The following HEY2 variants were observed in gnomAD, a reference collection of about 807,000 sequenced individuals.
The protein encoded by HEY2 is hairy/enhancer-of-split related with YRPW motif protein 2.
In HEY2, 10 loss-of-function variants were observed where a neutral mutation model predicts 18.1. The observed-to-expected ratio is 0.55, with a 90% confidence interval of 0.34 to 0.94. The LOEUF (loss-of-function observed/expected upper bound fraction) is 0.94, where lower values mean the gene tolerates loss of function less well. Ranked by LOEUF, HEY2 falls within the 40% of genes least tolerant of loss-of-function variation. HEY2 has a pLI of 0.02. For synonymous variants in HEY2, 210 were observed against 182.7 expected (o/e 1.15, Z -1.21); for missense variants, 455 against 455.9 (o/e 1.00, Z 0.02).
intron 3 of HEY2, among the ~76,000 whole-genome samples, chr6:125,752,435 A>AAAC (rs201707222): frequency 0.013 from 1,926 of 151,738 alleles, 37 homozygotes; most frequent in East Asian, 0.04. Context: ...TTCAAAAAAA[A>AAAC]AAAAAAAACC....
Position 125,759,371 on chromosome 6 carries a change from G to T in HEY2, c.583G>T (p.Ala195Ser). ...CGCCGCCTTCCACCACCTGCCCGCA[G>T]CCCTGCTCCAGCCCAACGGCCTCCA... ...WAAAFHHLPA[A>S]LLQPNGLHAS... is the part of the protein sequence containing the mutation. Residue 195 changes from alanine to serine, a missense_variant, in exon 5 of 5, where the codon GCC becomes TCC. Physicochemically the swap from Ala to Ser is moderately conservative, Grantham distance 99 (BLOSUM62 1). Coordinates refer to ENST00000368364, the MANE Select transcript of HEY2 (RefSeq NM_012259.3). 6.2e-7 allele frequency: 1 copy of T among 1,606,970 alleles called. No homozygotes were observed. The highest frequency in any genetic ancestry group is 8.5e-7 in the Non-Finnish European group (1 of 1,177,698).
At position 125,760,043 on chromosome 6, in the gene HEY2, T is replaced by G; in HGVS notation, c.*241T>G. The G allele has an allele frequency of 7.3e-6, 4 of 546,730 alleles. No individual in the cohort carries two copies. The highest frequency in any genetic ancestry group is 9.7e-6 in the Non-Finnish European group (3 of 307,968). 33.9% of individuals were successfully genotyped at this position (546,730 alleles called of 1,614,324 possible). ...CAGCAACTTTTGAAAACTTCACACTTGTTACCATTTAGAAGTTTCCTGGAA... is the reference window on the plus strand; with the variant it reads ...CAGCAACTTTTGAAAACTTCACACTGGTTACCATTTAGAAGTTTCCTGGAA... On this transcript the variant is annotated 3_prime_UTR_variant, in exon 5 of 5. Coordinates refer to ENST00000368364, the MANE Select transcript of HEY2 (RefSeq NM_012259.3).
intron 4 of HEY2, among the ~76,000 whole-genome samples, chr6:125,757,957 A>G (rs1773696840): frequency 6.6e-6 from 1 of 152,238 alleles, no homozygotes; most frequent in Admixed American, 6.5e-5. Context: ...CTCAAAGATA[A>G]ATAAATTAAT....
Position 125,749,732 on chromosome 6 carries a change from G to A in HEY2, c.-45G>A, listed in dbSNP as rs1348398119. 5 of 1,488,640 alleles carry A rather than the reference G, an allele frequency of 3.4e-6. No homozygotes were observed. The highest frequency in any genetic ancestry group is 3.6e-6 in the Non-Finnish European group (4 of 1,096,962). 92.2% of individuals were successfully genotyped at this position (1,488,640 alleles called of 1,614,324 possible). A position where few individuals can be genotyped will look rare whatever the true frequency, so the allele number is the denominator to read the frequency against. On this transcript the variant is annotated 5_prime_UTR_variant, in exon 1 of 5. Transcript: ENST00000368364. The stretch of plus-strand genomic sequence containing the variant: ...GTCAGGGTGCTGCGCCCCGCTCGGC[G>A]TCCGAGCTTCCGGCCGGGCTGTGCC...
intron 4 of HEY2, among the ~76,000 whole-genome samples, chr6:125,756,711 G>T (rs1332471991): frequency 6.6e-6 from 1 of 152,228 alleles, no homozygotes; most frequent in African/African-American, 2.4e-5. Flanking sequence ...TTCTGCCACT[G>T]ATTAGCTCTG....
In HEY2 at chr6:125,759,251, T is replaced by C. The variant is rs1363397463; in HGVS notation, c.463T>C (p.Ser155Pro). ...GGATCCGCTGCGGGTGCGGCTTGTG[T>C]CTCATCTCAGCACTTGCGCCACCCA... ...SSDPLRVRLVSHLSTCATQRE... is the reference protein window; with the variant it reads ...SSDPLRVRLVPHLSTCATQRE... Residue 155 changes from serine (S) to proline (P), a missense_variant, in exon 5 of 5, where the codon TCT (serine) becomes CCT (proline). By Grantham distance (74) the Ser-to-Pro change is moderately conservative. Coordinates refer to ENST00000368364, the MANE Select transcript of HEY2 (RefSeq NM_012259.3). 2 of 1,609,248 alleles carry C rather than the reference T, an allele frequency of 1.2e-6. No homozygotes were observed. The highest frequency in any genetic ancestry group is 1.7e-6 in the Non-Finnish European group (2 of 1,179,980).
rs1158347473 is a variant in HEY2 at position 125,760,981 on chromosome 6, G to GT, written c.*1186dup. ...TGCTATGTAATGGGGTTGTGGTTTT[G>GT]TTTTTTTCGATTTCGTTTAATGACA... On this transcript the variant is annotated 3_prime_UTR_variant, in exon 5 of 5. Transcript: ENST00000368364. The GT allele has an allele frequency of 2.0e-5, 3 of 152,468 alleles. No individual in the cohort carries two copies. The highest frequency in any genetic ancestry group is 4.8e-5 in the African/African-American group (2 of 41,386). 9.4% of individuals were successfully genotyped at this position (152,468 alleles called of 1,614,324 possible). A position where few individuals can be genotyped will look rare whatever the true frequency, so the allele number is the denominator to read the frequency against.
chr6:125,755,462 C>T (rs564499951), intron 4 of HEY2, among the ~76,000 whole-genome samples: 2 of 152,164 alleles, frequency 1.3e-5, no homozygotes, highest in East Asian at 3.8e-4. Flanking sequence ...GATTTAAGGG[C>T]TCCAACTAAA....
rs1344353323 is a variant in HEY2, at chr6:125,759,875, T to A, written c.*73T>A. On this transcript the variant is annotated 3_prime_UTR_variant, in exon 5 of 5. Coordinates refer to ENST00000368364, the MANE Select transcript of HEY2 (RefSeq NM_012259.3). Reference sequence around the variant, plus strand: ...GAGTCAGCTTAAAACCTCTGCACCCTGAAGGTAGCCATACAGATGCCGACA... The same window carrying A: ...GAGTCAGCTTAAAACCTCTGCACCCAGAAGGTAGCCATACAGATGCCGACA... 7.9e-7 allele frequency: 1 copy of A among 1,261,108 alleles called. No individual in the cohort carries two copies. Among genetic ancestry groups the A allele is most frequent in the Non-Finnish European group, 1.1e-6 (1 of 891,846 alleles). 78.1% of individuals were successfully genotyped at this position (1,261,108 alleles called of 1,614,324 possible).
rs1305375286 is a variant in HEY2, at chr6:125,749,728, C to T, written c.-49C>T. ...GGGCGTCAGGGTGCTGCGCCCCGCT[C>T]GGCGTCCGAGCTTCCGGCCGGGCTG... On this transcript the variant is annotated 5_prime_UTR_variant, in exon 1 of 5. Coordinates refer to ENST00000368364, the MANE Select transcript of HEY2 (RefSeq NM_012259.3). 5 of 1,458,630 alleles carry T rather than the reference C, an allele frequency of 3.4e-6. No homozygotes were observed. Among genetic ancestry groups the T allele is most frequent in the Middle Eastern group, 2.0e-4 (1 of 5,032 alleles). 90.4% of individuals were successfully genotyped at this position (1,458,630 alleles called of 1,614,324 possible). A position where few individuals can be genotyped will look rare whatever the true frequency, so the allele number is the denominator to read the frequency against.
At chr6:125,751,938 A>G in intron 2 of HEY2, 59 bp downstream of exon 2, 1 of 1,584,344 alleles carries the variant, frequency 6.3e-7, no homozygotes, top group Non-Finnish European at 8.7e-7. Context: ...TAACAGTTAC[A>G]TTTTTTCATT....
chr6:125,752,338 T>C (rs1773564138), intron 3 of HEY2, among the ~76,000 whole-genome samples: 1 of 151,422 alleles, frequency 6.6e-6, no homozygotes, highest in African/African-American at 2.4e-5. Context: ...TATTTTCCCC[T>C]TAAGGGTAAC....
chr6:125,754,364 TGAG>T, intron 3 of HEY2, 98 bp from the exon 4 acceptor site: 1 of 577,234 alleles, frequency 1.7e-6, no homozygotes, highest in Admixed American at 3.8e-5. Context: ...GATTGTCTAG[TGAG>T]AGGGAAATTG....
At chr6:125,751,430 CAGGA>C (rs1263009131) in intron 1 of HEY2, among the ~76,000 whole-genome samples, 1 of 152,104 alleles carries the variant, frequency 6.6e-6, no homozygotes, top group Non-Finnish European at 1.5e-5. Context: ...GTGTGCCTGA[CAGGA>C]GGGAGAAGGA....
chr6:125,757,635 T>C (rs1167505069), intron 4 of HEY2, among the ~76,000 whole-genome samples: 1 of 152,196 alleles, frequency 6.6e-6, no homozygotes, highest in African/African-American at 2.4e-5. Context: ...AGCAAAAACA[T>C]AGATAATGTA....
At position 125,759,483 on chromosome 6, in the gene HEY2, C is replaced by T. The variant is rs1163993455; in HGVS notation, c.695C>T (p.Ala232Val). The T allele has an allele frequency of 1.2e-6, 2 of 1,611,328 alleles. No individual in the cohort carries two copies. The highest frequency in any genetic ancestry group is 1.7e-6 in the Non-Finnish European group (2 of 1,179,996). The change falls in exon 5 of 5, where the codon GCC becomes GTC. Residue 232 changes from alanine to valine, a missense_variant. By Grantham distance (64) the Ala-to-Val change is moderately conservative. Coordinates refer to ENST00000368364, the MANE Select transcript of HEY2 (RefSeq NM_012259.3). ...HGSALLTATF[A>V]HADSALRMPS... ...TCTGCTCTCCTCACGGCCACGTTTG[C>T]CCATGCGGATTCAGCCCTCCGAATG...
At chr6:125,758,933 T>G (rs1322988445) in intron 4 of HEY2, among the ~76,000 whole-genome samples, 184 bp from the exon 5 acceptor site, 1 of 152,200 alleles carries the variant, frequency 6.6e-6, no homozygotes, top group Non-Finnish European at 1.5e-5. Flanking sequence ...TTTCTTAACT[T>G]CTGCAAAAAA....
At position 125,754,559 on chromosome 6, in the gene HEY2, C is replaced by T; in HGVS notation, c.328+13C>T. The T allele has an allele frequency of 7.4e-7, 1 of 1,347,828 alleles. No individual in the cohort carries two copies. The highest frequency in any genetic ancestry group is 1.0e-6 in the Non-Finnish European group (1 of 985,742). 83.5% of individuals were successfully genotyped at this position (1,347,828 alleles called of 1,614,324 possible). A position where few individuals can be genotyped will look rare whatever the true frequency, so the allele number is the denominator to read the frequency against. The stretch of plus-strand genomic sequence containing the variant: ...ACAGGGGGTAAAGGTAAGTAGATGA[C>T]TTCATTTTTTTTTTTTTTTGCCTTT... On this transcript the variant is annotated intron_variant, in intron 4 of 4. Transcript: ENST00000368364.
At chr6:125,751,687 T>G in intron 1 of HEY2, 114 bp from the exon 2 acceptor site, 1 of 655,988 alleles carries the variant, frequency 1.5e-6, no homozygotes, top group Non-Finnish European at 2.6e-6. Flanking sequence ...AAGAATAAAA[T>G]AACACAGACT....
Sources: allele counts gnomAD v4.1 joint callset (sites outside exome capture counted in the v4.1 genomes callset), GRCh38; gene constraint gnomAD v4.1.1; transcripts MANE v1.5; gene names NCBI Gene and HGNC (gene_info 2026-07-23, HGNC 2026-07-21).